The following GPS1 variants were observed in gnomAD, a reference collection of about 807,000 sequenced individuals.
The protein encoded by GPS1 is G protein pathway suppressor 1.
In GPS1, 11 loss-of-function variants were observed where a neutral mutation model predicts 60.0. The observed-to-expected ratio is 0.18, with a 90% confidence interval of 0.12 to 0.30. The LOEUF is 0.30. GPS1 is among the 10% of genes least tolerant of loss of function. GPS1 has a pLI of 1.00. For synonymous variants in GPS1, 343 were observed against 269.8 expected, an observed-to-expected ratio of 1.27 and a Z score of -2.66; for missense variants, 543 against 669.2, an observed-to-expected ratio of 0.81 and a Z score of 2.08.
chr17:82,054,746 C>G lies in GPS1; in HGVS notation c.545C>G (p.Ser182Cys). 1 of 1,611,874 alleles carries G rather than the reference C, an allele frequency of 6.2e-7. No individual in the cohort carries two copies. Among genetic ancestry groups the G allele is most frequent in the Non-Finnish European group, 8.5e-7 (1 of 1,179,606 alleles). ...CTCAGCAACGCCCTCAAGTGCTATT[C>G]CCGGGCCCGGGACTACTGCACCAGC... is the stretch of plus-strand genomic sequence containing the variant. ...GDLSNALKCYSRARDYCTSAK... is the reference protein window; with the variant it reads ...GDLSNALKCYCRARDYCTSAK... Residue 182 changes from serine (S) to cysteine (C), a missense_variant, in exon 4 of 13, where the codon TCC (serine) becomes TGC (cysteine). Transcript: ENST00000578552.
chr17:82,052,085 G>C (rs2030804743), intron 1 of GPS1, 121 bp downstream of exon 1: 4 of 841,124 alleles, frequency 4.8e-6, no homozygotes, highest in Admixed American at 5.4e-5. Context: ...GCTCCGTGCC[G>C]GGCCTCCGCG....
At chr17:82,050,995 A>T, upstream of GPS1, 1 of 1,421,398 alleles carries the variant, frequency 7.0e-7, no homozygotes, top group Non-Finnish European at 9.2e-7. Flanking sequence ...AACAGGACGG[A>T]GGCAGCTCGC....
chr17:82,053,219 G>T, intron 1 of GPS1, 55 bp from the exon 2 acceptor site: 2 of 1,405,202 alleles, frequency 1.4e-6, no homozygotes, highest in Non-Finnish European at 1.9e-6. Context: ...CGGGTCTCTC[G>T]CCCTCCTGGG....
upstream of GPS1, chr17:82,051,816 G>A: frequency 8.8e-7 from 1 of 1,132,200 alleles, no homozygotes; most frequent in Non-Finnish European, 1.1e-6. The surrounding 1 kb of genome is among the most constrained non-coding windows in gnomAD (Gnocchi z 4.1). Flanking sequence ...GGCCGGAGCC[G>A]TGGGTGGGCG....
intron 3 of GPS1, 124 bp from the exon 4 acceptor site, chr17:82,054,386 C>T: frequency 7.8e-7 from 1 of 1,280,244 alleles, no homozygotes; most frequent in Non-Finnish European, 1.0e-6. Flanking sequence ...GGGTTTGAGG[C>T]CAGCGGGAGG....
chr17:82,052,645 G>C, intron 1 of GPS1: 2 of 710,418 alleles, frequency 2.8e-6, no homozygotes, highest in South Asian at 4.0e-5. Context: ...TGCTTTTCCC[G>C]AAGGAGCGCG....
intron 6 of GPS1, 51 bp from the exon 7 acceptor site, chr17:82,055,689 C>G (rs2032459719): frequency 7.7e-7 from 1 of 1,301,248 alleles, no homozygotes; most frequent in African/African-American, 1.5e-5. Flanking sequence ...TCCCCAGGCT[C>G]TGGGGTCTTA....
upstream of GPS1, chr17:82,051,351 G>A: frequency 1.4e-6 from 2 of 1,467,878 alleles, no homozygotes; most frequent in Non-Finnish European, 1.8e-6. This position sits in a 1 kb window ranked among gnomAD's most constrained non-coding sequence, Gnocchi z 4.1. Flanking sequence ...GTCTGGGGGA[G>A]AAACAATCTA....
At chr17:82,052,259 C>G in intron 1 of GPS1, 1 of 1,610,186 alleles carries the variant, frequency 6.2e-7, no homozygotes, top group Non-Finnish European at 8.5e-7. Context: ...CCTTCAGCAG[C>G]CAGCCAGCTC....
At chr17:82,055,634 C>T in intron 6 of GPS1, 106 bp from the exon 7 acceptor site, 2 of 741,588 alleles carry the variant, frequency 2.7e-6, no homozygotes, top group South Asian at 1.6e-5. Flanking sequence ...GGCCAGCGAG[C>T]CGGCTGGTGG....
intron 1 of GPS1, 42 bp from the exon 2 acceptor site, chr17:82,053,232 A>C: frequency 6.8e-7 from 1 of 1,466,952 alleles, no homozygotes; most frequent in Non-Finnish European, 9.0e-7. Flanking sequence ...CTCCTGGGGC[A>C]GTCCCCAGGA....
chr17:82,051,571 T>A, upstream of GPS1: 1 of 1,373,808 alleles, frequency 7.3e-7, no homozygotes, highest in South Asian at 1.6e-5. This position sits in a 1 kb window ranked among gnomAD's most constrained non-coding sequence, Gnocchi z 4.1. Flanking sequence ...TTCCGGGTGG[T>A]CTTGACGGCG....
At chr17:82,052,875 G>C (rs1382128420) in intron 1 of GPS1, 1 of 248,586 alleles carries the variant, frequency 4.0e-6, no homozygotes, top group Non-Finnish European at 7.8e-6. Flanking sequence ...CCTGCCTCCT[G>C]GGGTTGAGGT....
In GPS1 at chr17:82,057,162, C is replaced by G. The variant is rs757193775; in HGVS notation, c.*35C>G. On this transcript the variant is annotated 3_prime_UTR_variant, in exon 13 of 13. Coordinates refer to ENST00000578552, the MANE Select transcript of GPS1 (RefSeq NM_001321092.3). ...CTTGGCCTCCAGGACATCTGCACCC[C>G]CTCCCCACCTCCACGGACCTCGGAC... The G allele has an allele frequency of 1.9e-6, 3 of 1,569,486 alleles. No individual in the cohort carries two copies. The highest frequency in any genetic ancestry group is 3.6e-5 in the Admixed American group (2 of 56,114).
At chr17:82,056,431 C>T in intron 9 of GPS1, 39 bp from the exon 10 acceptor site, 3 of 1,612,740 alleles carry the variant, frequency 1.9e-6, no homozygotes, top group East Asian at 2.2e-5. Flanking sequence ...GGGGCCCTGC[C>T]TGGCCTCCTG....
rs748934095 is a variant in GPS1, at chr17:82,056,919, G to A, written c.1334G>A (p.Arg445His). ...SLLMGKEFQR[R>H]AKAMMLRAAV... is the part of the protein sequence containing the mutation. ...TTGATGGGCAAGGAGTTCCAGCGCCGCGCCAAGGCCATGATGCTGCGGGCA... is the reference window on the plus strand; with the variant it reads ...TTGATGGGCAAGGAGTTCCAGCGCCACGCCAAGGCCATGATGCTGCGGGCA... Residue 445 changes from arginine (R) to histidine (H), a missense_variant, in exon 12 of 13, where the codon CGC becomes CAC. Arg to His is a conservative substitution (Grantham distance 29, BLOSUM62 0). Transcript: ENST00000578552. The A allele has an allele frequency of 1.5e-5, 25 of 1,612,926 alleles. No homozygotes were observed. The highest frequency in any genetic ancestry group is 1.9e-5 in the Non-Finnish European group (23 of 1,179,954).
chr17:82,055,105 C>A, intron 5 of GPS1, 57 bp from the exon 6 acceptor site: 1 of 1,564,372 alleles, frequency 6.4e-7, no homozygotes, highest in Non-Finnish European at 8.7e-7. Flanking sequence ...GGGGGCTGGG[C>A]ATCGAGCTCT....
intron 1 of GPS1, chr17:82,052,292 G>A (rs2030940280): frequency 4.3e-6 from 7 of 1,612,558 alleles, no homozygotes; most frequent in Admixed American, 1.7e-5. Flanking sequence ...GGGGGGTGCA[G>A]AAAGTCAGGA....
chr17:82,056,153 G>A, intron 8 of GPS1, 58 bp downstream of exon 8: 1 of 1,477,528 alleles, frequency 6.8e-7, no homozygotes, highest in Non-Finnish European at 9.4e-7. Flanking sequence ...CGTGGCTGCT[G>A]CTTCGGCCTT....
Sources: allele counts gnomAD v4.1 joint callset, GRCh38; gene constraint gnomAD v4.1.1; non-coding constraint Gnocchi (gnomAD v3.1); transcripts MANE v1.5; gene names NCBI Gene and HGNC (gene_info 2026-07-23, HGNC 2026-07-21).